Variants in SND1 observed in about 807,000 individuals in gnomAD.
SND1 encodes the protein staphylococcal nuclease and tudor domain containing 1.
Under a neutral mutation model 121.7 loss-of-function variants are expected in SND1, and 38 were observed. The observed-to-expected ratio is 0.31, with a 90% CI of 0.24 to 0.41. The LOEUF (loss-of-function observed/expected upper bound fraction) is 0.41. SND1 is among the 10% of genes least tolerant of loss of function. The probability of loss-of-function intolerance (pLI) is 1.00; values close to 1 mark genes in which losing one functional copy is unlikely to be tolerated. For synonymous variants in SND1, 401 were observed against 447.4 expected, an observed-to-expected ratio of 0.90 and a Z score of 1.31; for missense variants, 868 against 1,184.6, an observed-to-expected ratio of 0.73 and a Z score of 3.92.
At chr7:127,927,936 A>G (rs1483189322) in intron 14 of SND1, 1 of 152,226 alleles carries the variant, frequency 6.6e-6, no homozygotes, top group African/African-American at 2.4e-5. Flanking sequence ...TGGTGTCCTC[A>G]GAGGGAGTTT....
At chr7:127,820,418 T>C (rs2116603088) in intron 11 of SND1, among the ~76,000 whole-genome samples, 1 of 152,332 alleles carries the variant, frequency 6.6e-6, no homozygotes, top group East Asian at 1.9e-4. Flanking sequence ...CAAAGCAGCA[T>C]GTAGTTTGAA....
rs143591882 is a variant in SND1 at position 127,827,283 on chromosome 7, G to A, written c.1243-17041G>A. ...AGCTCACTTAACCAATTAAGAGTTGGAATTTAAAATGAAATCTTCCAATAA... is the reference window on the plus strand; with the variant it reads ...AGCTCACTTAACCAATTAAGAGTTGAAATTTAAAATGAAATCTTCCAATAA... On this transcript the variant is annotated intron_variant, in intron 11 of 23. Coordinates refer to ENST00000354725, the MANE Select transcript of SND1 (RefSeq NM_014390.4). Among the ~76,000 whole-genome samples the A allele has an allele frequency of 3.3e-5, 5 of 152,162 alleles. No individual in the cohort carries two copies. In the East Asian group the frequency reaches 9.6e-4, roughly 29 times the overall value.
At chr7:127,777,727 A>G (rs537905399) in intron 10 of SND1, among the ~76,000 whole-genome samples, 1 of 152,238 alleles carries the variant, frequency 6.6e-6, no homozygotes, top group Admixed American at 6.5e-5. Flanking sequence ...ATTGATTGAG[A>G]AGGGGGTCTC....
At chr7:127,952,585 TC>T (rs1801485656) in intron 15 of SND1, among the ~76,000 whole-genome samples, 1 of 150,058 alleles carries the variant, frequency 6.7e-6, no homozygotes, top group Non-Finnish European at 1.5e-5. Flanking sequence ...CCTCAGTAGA[TC>T]CGTTAGCCAC....
chr7:127,718,632 C>A, intron 9 of SND1: 1 of 985,306 alleles, frequency 1.0e-6, no homozygotes, highest in African/African-American at 1.7e-5. Flanking sequence ...GCTGCTGGGG[C>A]CTAAAATTTA....
intron 12 of SND1, among the ~76,000 whole-genome samples, chr7:127,869,431 A>G (rs555893295): frequency 2.0e-5 from 3 of 152,312 alleles, no homozygotes; most frequent in South Asian, 4.1e-4. Flanking sequence ...AGTTTTGTCT[A>G]CTTTGACCTT....
Position 128,029,405 on chromosome 7 carries a change from G to A in SND1, c.1779+38349G>A. 6.2e-7 allele frequency: 1 copy of A among 1,614,220 alleles called. No homozygotes were observed. Among genetic ancestry groups the A allele is most frequent in the South Asian group, 1.1e-5 (1 of 91,082 alleles). On this transcript the variant is annotated intron_variant, in intron 16 of 23. Transcript: ENST00000354725. This position sits in a 1 kb window ranked among gnomAD's most constrained non-coding sequence, Gnocchi z 4.2. The stretch of plus-strand genomic sequence containing the variant: ...CCCCAGTGTCTGAAAGCAGCACGTG[G>A]GAAAAGTTCAAGGTGCCGTCGTTGA...
intron 16 of SND1, among the ~76,000 whole-genome samples, chr7:128,024,171 T>G (rs1350053656): frequency 3.9e-5 from 6 of 151,944 alleles, no homozygotes; most frequent in African/African-American, 1.5e-4. Flanking sequence ...TGAAAACAAC[T>G]TATCCTACTG....
At chr7:127,679,100 A>G (rs1795662767) in intron 1 of SND1, 1 of 152,272 alleles carries the variant, frequency 6.6e-6, no homozygotes, top group Non-Finnish European at 1.5e-5. Flanking sequence ...TGTGACACAC[A>G]GGATGCTCGC....
intron 12 of SND1, among the ~76,000 whole-genome samples, chr7:127,864,393 A>G (rs1799431127): frequency 6.6e-6 from 1 of 151,748 alleles, no homozygotes; most frequent in Non-Finnish European, 1.5e-5. Flanking sequence ...CTGTTTGGTG[A>G]CACCAGCAAC....
Position 127,929,244 on chromosome 7 carries a change from A to G in SND1, c.1584A>G (p.Glu528=). The G allele has an allele frequency of 6.2e-7, 1 of 1,614,078 alleles. No individual in the cohort carries two copies. The highest frequency in any genetic ancestry group is 8.5e-7 in the Non-Finnish European group (1 of 1,179,944). Residue 528 remains glutamate, a synonymous_variant, in exon 15 of 24, where the codon GAA becomes GAG. Transcript: ENST00000354725. Reference sequence around the variant, plus strand: ...TTCTTCAGCGGGCAGGTCGTTCTGAAGCTGTGGTGGAATACGTCTTCAGTG... The same window carrying G: ...TTCTTCAGCGGGCAGGTCGTTCTGAGGCTGTGGTGGAATACGTCTTCAGTG... ...LPFLQRAGRS[E]AVVEYVFSGS...
intron 10 of SND1, among the ~76,000 whole-genome samples, chr7:127,758,252 G>A (rs890867192): frequency 1.3e-5 from 2 of 152,178 alleles, no homozygotes; most frequent in Non-Finnish European, 2.9e-5. Context: ...GACAAACAAG[G>A]AAATCAAAGC....
At chr7:127,711,530 A>G (rs955246662) in intron 9 of SND1, among the ~76,000 whole-genome samples, 1 of 152,116 alleles carries the variant, frequency 6.6e-6, no homozygotes, top group South Asian at 2.1e-4. Context: ...GAAAGGTTTT[A>G]GCAAATTCTT....
intron 10 of SND1, among the ~76,000 whole-genome samples, chr7:127,746,737 A>C (rs898994029): frequency 6.6e-6 from 1 of 152,072 alleles, no homozygotes; most frequent in Admixed American, 6.5e-5. Context: ...TAGGCTAGAA[A>C]ACTGATGTCT....
intron 11 of SND1, among the ~76,000 whole-genome samples, chr7:127,843,542 G>A (rs999096834): frequency 6.6e-6 from 1 of 152,128 alleles, no homozygotes; most frequent in Non-Finnish European, 1.5e-5. Context: ...ATATGTCTAA[G>A]CTTCCTCCAT....
chr7:127,665,409 A>G (rs956828810), intron 1 of SND1, among the ~76,000 whole-genome samples: 5 of 151,986 alleles, frequency 3.3e-5, no homozygotes, highest in Admixed American at 6.6e-5. Flanking sequence ...GGATAGTGTC[A>G]ATCTCCTGAC....
chr7:128,081,961 T>C lies in SND1; in HGVS notation c.2110+460T>C, dbSNP rs1243355697. ...GTTTGTCTCTGCTGGGGTTTCTCCT[T>C]CTCTAGAGGTTAACATAGCCCTGAG... On this transcript the variant is annotated intron_variant, in intron 18 of 23. Coordinates refer to ENST00000354725, the MANE Select transcript of SND1 (RefSeq NM_014390.4). 5.6e-6 allele frequency: 3 copies of C among 534,774 alleles called. No homozygotes were observed. The Admixed American group carries it at 5.8e-5, about 10-fold the overall frequency. 33.1% of individuals were successfully genotyped at this position (534,774 alleles called of 1,614,324 possible).
chr7:127,970,356 T>C (rs986772059), intron 15 of SND1, among the ~76,000 whole-genome samples: 1 of 152,238 alleles, frequency 6.6e-6, no homozygotes, highest in African/African-American at 2.4e-5. Flanking sequence ...CTTGTGTAAG[T>C]CATTGAACTT....
chr7:127,663,390 T>C (rs1795353464), intron 1 of SND1, among the ~76,000 whole-genome samples: 1 of 148,724 alleles, frequency 6.7e-6, no homozygotes, highest in South Asian at 2.1e-4. Flanking sequence ...TTTTTTTTTT[T>C]GAGATGGAGT....
Sources: gnomAD v4.1 joint callset for allele counts (sites outside exome capture counted in the v4.1 genomes callset) on GRCh38, gnomAD v4.1.1 for gene constraint, Gnocchi (gnomAD v3.1) non-coding constraint, MANE v1.5 for transcripts, NCBI Gene and HGNC (gene_info 2026-07-23, HGNC 2026-07-21) for gene names.